PLPPR1: variants seen among roughly 807,000 people sequenced by gnomAD.
PLPPR1 encodes phospholipid phosphatase-related protein type 1.
A neutral mutation model predicts 33.1 loss-of-function variants in PLPPR1; 10 were observed. The ratio of observed to expected loss-of-function variants is 0.30; its 90% CI spans 0.19 to 0.51. The LOEUF is 0.51. PLPPR1 is among the 20% of genes least tolerant of loss of function. PLPPR1 has a pLI of 0.97. For missense variants in PLPPR1, 304 were observed against 408.1 expected, an observed-to-expected ratio of 0.74 and a Z score of 2.20; for synonymous variants, 151 against 151.0, an observed-to-expected ratio of 1.00 and a Z score of 0.00.
chr9:101,219,409 A>G (rs113194388), intron 2 of PLPPR1, among the ~76,000 whole-genome samples: 1,911 of 152,294 alleles, frequency 0.013, 28 homozygotes, highest in Non-Finnish European at 0.016. Context: ...AAAGGGCCAG[A>G]TTATGATTTA....
At chr9:101,081,246 C>T (rs1308879425) in intron 1 of PLPPR1, among the ~76,000 whole-genome samples, 2 of 151,968 alleles carry the variant, frequency 1.3e-5, no homozygotes, top group Non-Finnish European at 2.9e-5. Context: ...GACAGAGTCT[C>T]GCTCTGTCAC....
chr9:101,216,749 G>A (rs185210618), intron 2 of PLPPR1, among the ~76,000 whole-genome samples: 202 of 152,220 alleles, frequency 1.3e-3, no homozygotes, highest in Middle Eastern at 3.4e-3. Flanking sequence ...TTTTATTGTG[G>A]ATGCTGTCCT....
chr9:101,092,409 T>A (rs1160465551), intron 1 of PLPPR1, among the ~76,000 whole-genome samples: 1 of 152,212 alleles, frequency 6.6e-6, no homozygotes, highest in Admixed American at 6.5e-5. Context: ...TCCTAGTATA[T>A]TTTTAGTGCC....
chr9:101,147,408 GA>G (rs1297939118), intron 1 of PLPPR1, among the ~76,000 whole-genome samples: 1 of 152,126 alleles, frequency 6.6e-6, no homozygotes, highest in Non-Finnish European at 1.5e-5. Context: ...TCATGATGAT[GA>G]ATTTTCATAC....
chr9:101,180,548 C>A (rs117432197), intron 1 of PLPPR1, among the ~76,000 whole-genome samples: 8,320 of 151,570 alleles, frequency 0.055, 342 homozygotes, highest in Non-Finnish European at 0.081. Context: ...ACATTTTGAC[C>A]AATAGAACAG....
At chr9:101,186,315 G>T (rs188146705) in intron 2 of PLPPR1, among the ~76,000 whole-genome samples, 15 of 151,738 alleles carry the variant, frequency 9.9e-5, no homozygotes, top group Non-Finnish European at 1.9e-4. Flanking sequence ...AAAATAGGGC[G>T]TCTAGTGGAT....
At chr9:101,312,725 C>A (rs1229674134) in intron 5 of PLPPR1, 73 bp from the exon 6 acceptor site, 6 of 1,280,076 alleles carry the variant, frequency 4.7e-6, no homozygotes, top group Non-Finnish European at 6.7e-6. Flanking sequence ...GGTGTATGTA[C>A]CTGCTTGCTT....
intron 1 of PLPPR1, among the ~76,000 whole-genome samples, chr9:101,077,855 T>A (rs2254543): frequency 0.68 from 103,019 of 151,544 alleles, 35,337 homozygotes; most frequent in East Asian, 0.89. Context: ...CCAGCACCTT[T>A]GTCCCGAAGA....
rs553894988 is a variant in PLPPR1 at position 101,264,829 on chromosome 9, G to A, written c.64-5051G>A. Reference sequence around the variant, plus strand: ...TAGCCCTGAAAGTCCTGTGCCCCAGGAAGCCCCTCAGCCCTGAACAAACTG... The same window carrying A: ...TAGCCCTGAAAGTCCTGTGCCCCAGAAAGCCCCTCAGCCCTGAACAAACTG... On this transcript the variant is annotated intron_variant, in intron 2 of 7. Transcript: ENST00000374874. 2.6e-4 allele frequency among the ~76,000 whole-genome samples: 39 copies of A among 152,220 alleles called. No homozygotes were observed. In the South Asian group the frequency reaches 7.5e-3, roughly 29 times the overall value.
chr9:101,260,755 AAT>A (rs758528353), intron 2 of PLPPR1, among the ~76,000 whole-genome samples: 1 of 152,188 alleles, frequency 6.6e-6, no homozygotes, highest in Non-Finnish European at 1.5e-5. Flanking sequence ...CAATGGAATC[AAT>A]ATAAGAATGG....
chr9:101,030,528 C>G (rs77906263), intron 1 of PLPPR1, among the ~76,000 whole-genome samples: 479 of 151,862 alleles, frequency 3.2e-3, no homozygotes, highest in Non-Finnish European at 4.4e-3. Context: ...TAGAAAGTGC[C>G]TCGTGTGAAA....
intron 2 of PLPPR1, among the ~76,000 whole-genome samples, chr9:101,196,803 T>G (rs971565530): frequency 6.6e-6 from 1 of 151,644 alleles, no homozygotes; most frequent in Non-Finnish European, 1.5e-5. Flanking sequence ...AGGCAGAGCT[T>G]GCAGTGAGCC....
At chr9:101,091,640 G>A (rs553162948) in intron 1 of PLPPR1, among the ~76,000 whole-genome samples, 1 of 152,102 alleles carries the variant, frequency 6.6e-6, no homozygotes, top group Non-Finnish European at 1.5e-5. Context: ...AAGGTCATCT[G>A]GTTAGCAACC....
intron 6 of PLPPR1, among the ~76,000 whole-genome samples, chr9:101,314,361 T>C (rs1248193876): frequency 5.9e-5 from 9 of 152,338 alleles, no homozygotes; most frequent in African/African-American, 2.2e-4. Flanking sequence ...TAACTTGGTT[T>C]TCCAACTTGT....
intron 3 of PLPPR1, among the ~76,000 whole-genome samples, chr9:101,280,493 A>G (rs544067643): frequency 2.0e-5 from 3 of 152,238 alleles, no homozygotes; most frequent in South Asian, 2.1e-4. Context: ...AAAAAAAGGA[A>G]AAGTACAGGC....
At chr9:101,307,408 C>A (rs557544622) in intron 4 of PLPPR1, among the ~76,000 whole-genome samples, 90 of 152,264 alleles carry the variant, frequency 5.9e-4, no homozygotes, top group African/African-American at 2.1e-3. Flanking sequence ...AGACTTATTG[C>A]CCCTTGAAAG....
chr9:101,249,227 GT>G (rs918062440), intron 2 of PLPPR1, among the ~76,000 whole-genome samples: 28 of 152,098 alleles, frequency 1.8e-4, no homozygotes, highest in African/African-American at 6.3e-4. Flanking sequence ...TGCCTCTTGT[GT>G]GCCTCTCTTC....
At chr9:101,196,350 A>G (rs929656708) in intron 2 of PLPPR1, among the ~76,000 whole-genome samples, 2 of 152,182 alleles carry the variant, frequency 1.3e-5, no homozygotes, top group African/African-American at 4.8e-5. Context: ...TGTTTAGCAA[A>G]ATTTTCAAGA....
chr9:101,218,744 A>C (rs1588078049), intron 2 of PLPPR1, among the ~76,000 whole-genome samples: 1 of 152,234 alleles, frequency 6.6e-6, no homozygotes, highest in South Asian at 2.1e-4. Flanking sequence ...CTGTCTTTTA[A>C]AATGTAATGA....
Sources: allele counts gnomAD v4.1 joint callset (sites outside exome capture counted in the v4.1 genomes callset), GRCh38; gene constraint gnomAD v4.1.1; transcripts MANE v1.5; gene names NCBI Gene and HGNC (gene_info 2026-07-23, HGNC 2026-07-21).